The following BOC variants were observed in gnomAD, a reference collection of about 807,000 sequenced individuals.
BOC encodes brother of CDO.
BOC carries 76 observed loss-of-function variants against 112.0 expected under a neutral mutation model. The observed-to-expected ratio is 0.68, with a 90% CI of 0.56 to 0.82. The LOEUF (loss-of-function observed/expected upper bound fraction) is 0.82. Among genes scored for constraint, BOC ranks in the 40% least tolerant of loss-of-function variants. The pLI is 0.00. For missense variants in BOC, 1,309 were observed against 1,511.7 expected (o/e 0.87, Z 2.22); for synonymous variants, 580 against 599.8 (o/e 0.97, Z 0.48).
Position 113,279,230 on chromosome 3 carries a change from T to G in BOC, c.1817-19T>G. The G allele has an allele frequency of 6.2e-7, 1 of 1,608,320 alleles. No homozygotes were observed. The highest frequency in any genetic ancestry group is 8.5e-7 in the Non-Finnish European group (1 of 1,175,694). Reference sequence around the variant, plus strand: ...CATCTCACCCTGCTTCCTTCCTCACTGGATACGGTCTTTCCCAGCCCCAGA... The same window carrying G: ...CATCTCACCCTGCTTCCTTCCTCACGGGATACGGTCTTTCCCAGCCCCAGA... On this transcript the variant is annotated intron_variant, in intron 11 of 19. Coordinates refer to ENST00000682979, the MANE Select transcript of BOC (RefSeq NM_001378074.1).
At chr3:113,242,820 C>T (rs1201326607) in intron 2 of BOC, among the ~76,000 whole-genome samples, 1 of 151,976 alleles carries the variant, frequency 6.6e-6, no homozygotes, top group African/African-American at 2.4e-5. Flanking sequence ...CGTTCTTTTA[C>T]GTAAGTCTCC....
intron 3 of BOC, 113 bp downstream of exon 3, chr3:113,250,012 TC>T: frequency 1.2e-6 from 1 of 868,216 alleles, no homozygotes; most frequent in Non-Finnish European, 1.8e-6. Flanking sequence ...AACACTTTAT[TC>T]CCATTGGCCT....
intron 1 of BOC, chr3:113,212,707 TGAGA>T (rs766393376): frequency 2.0e-5 from 3 of 152,204 alleles, no homozygotes; most frequent in Admixed American, 6.6e-5. Context: ...TGTGTGTGTG[TGAGA>T]GAGAGAGTTC....
In BOC at chr3:113,278,274, G is replaced by T. The variant is rs1252165979; in HGVS notation, c.1705+17G>T. The T allele has an allele frequency of 6.2e-7, 1 of 1,613,302 alleles. No homozygotes were observed. Among genetic ancestry groups the T allele is most frequent in the Non-Finnish European group, 8.5e-7 (1 of 1,179,346 alleles). ...TCCGAACTGGTGAGAGTCAAACATTGCCCCTTGCTTAGGGTTTCCGTGGGT... is the reference window on the plus strand; with the variant it reads ...TCCGAACTGGTGAGAGTCAAACATTTCCCCTTGCTTAGGGTTTCCGTGGGT... On this transcript the variant is annotated intron_variant, in intron 10 of 19. Transcript: ENST00000682979. The surrounding 1 kb of genome is among the most constrained non-coding windows in gnomAD (Gnocchi z 4.2).
At chr3:113,229,592 C>T (rs927825126) in intron 2 of BOC, among the ~76,000 whole-genome samples, 2 of 152,104 alleles carry the variant, frequency 1.3e-5, no homozygotes, top group Non-Finnish European at 2.9e-5. Context: ...ATCTTTATTT[C>T]TGTGCAAAGA....
Position 113,225,092 on chromosome 3 carries a change from A to AACAAAACAAAAACAAAC in BOC, c.-82+8820_-82+8836dup, listed in dbSNP as rs1215074549. Among the ~76,000 whole-genome samples the AACAAAACAAAAACAAAC allele has an allele frequency of 3.3e-5, 5 of 151,092 alleles. No individual in the cohort carries two copies. In the South Asian group the frequency reaches 6.3e-4, roughly 19 times the overall value. On this transcript the variant is annotated intron_variant, in intron 2 of 19. Coordinates refer to ENST00000682979, the MANE Select transcript of BOC (RefSeq NM_001378074.1). Reference sequence around the variant, plus strand: ...ACTCCGTCTCAAAAACAAAAACAAAAACAAAACAAAAACAAACAAAAAACC... The same window carrying AACAAAACAAAAACAAAC: ...ACTCCGTCTCAAAAACAAAAACAAAAACAAAACAAAAACAAACACAAAACAAAAACAAACAAAAAACC...
chr3:113,211,955 G>C lies in BOC; in HGVS notation c.-231G>C. ...CGGCGCGGCGCTGTGTGGCTCCCTCGCGCCCACCACGCTGGCCCCCGGGCC... is the reference window on the plus strand; with the variant it reads ...CGGCGCGGCGCTGTGTGGCTCCCTCCCGCCCACCACGCTGGCCCCCGGGCC... On this transcript the variant is annotated 5_prime_UTR_variant, in exon 1 of 20. Coordinates refer to ENST00000682979, the MANE Select transcript of BOC (RefSeq NM_001378074.1). 6.6e-6 allele frequency: 1 copy of C among 152,558 alleles called. No individual in the cohort carries two copies. Among genetic ancestry groups the C allele is most frequent in the Non-Finnish European group, 1.5e-5 (1 of 68,198 alleles). The allele number at this position is 152,558 out of a possible 1,614,324, so 9.5% of individuals were successfully genotyped here. A position where few individuals can be genotyped will look rare whatever the true frequency, so the allele number is the denominator to read the frequency against.
In BOC at chr3:113,273,056, G is replaced by C; in HGVS notation, c.962-13G>C. On this transcript the variant is annotated splice_polypyrimidine_tract_variant and intron_variant, in intron 7 of 19. Transcript: ENST00000682979. ...GACACAGCCCTTCTCACCCTGCTCT[G>C]GTTTCCTGGCAGAACCCCCTGAGGT... 6.3e-7 allele frequency: 1 copy of C among 1,588,814 alleles called. No homozygotes were observed. Among genetic ancestry groups the C allele is most frequent in the Non-Finnish European group, 8.6e-7 (1 of 1,160,526 alleles).
chr3:113,220,883 T>C (rs1189297566), intron 2 of BOC, among the ~76,000 whole-genome samples: 2 of 152,184 alleles, frequency 1.3e-5, no homozygotes, highest in African/African-American at 4.8e-5. Flanking sequence ...AGAAGGCATC[T>C]GTGAAGTTTC....
chr3:113,250,966 C>T (rs2107407980), intron 4 of BOC, 133 bp downstream of exon 4: 1 of 1,178,074 alleles, frequency 8.5e-7, no homozygotes, highest in East Asian at 2.5e-5. Context: ...AATGTCAAAT[C>T]AGAACAGTAG....
rs1948254140 is a variant in BOC, at chr3:113,272,709, T to G, written c.961+6T>G. On this transcript the variant is annotated splice_donor_region_variant and intron_variant, in intron 7 of 19. Coordinates refer to ENST00000682979, the MANE Select transcript of BOC (RefSeq NM_001378074.1). The stretch of plus-strand genomic sequence containing the variant: ...CTACAATGTCCAGGTGTTTGGTGAG[T>G]GTCTGCTGTGGACTGTCTTCTGCTT... 2 of 1,612,980 alleles carry G rather than the reference T, an allele frequency of 1.2e-6. No homozygotes were observed. Among genetic ancestry groups the G allele is most frequent in the Non-Finnish European group, 1.7e-6 (2 of 1,179,492 alleles).
chr3:113,211,970 G>GC lies in BOC; in HGVS notation c.-211dup, dbSNP rs1317285287. 2.0e-5 allele frequency: 3 copies of GC among 152,606 alleles called. No homozygotes were observed. The highest frequency in any genetic ancestry group is 4.4e-5 in the Non-Finnish European group (3 of 68,360). The allele number at this position is 152,606 out of a possible 1,614,324, so 9.5% of individuals were successfully genotyped here. A position where few individuals can be genotyped will look rare whatever the true frequency, so the allele number is the denominator to read the frequency against. On this transcript the variant is annotated 5_prime_UTR_variant, in exon 1 of 20. Coordinates refer to ENST00000682979, the MANE Select transcript of BOC (RefSeq NM_001378074.1). ...TGGCTCCCTCGCGCCCACCACGCTG[G>GC]CCCCCGGGCCCCGGCTCGCCCTTCC...
At position 113,250,620 on chromosome 3, in the gene BOC, T is replaced by C; in HGVS notation, c.163T>C (p.Leu55=). The C allele has an allele frequency of 6.2e-7, 1 of 1,614,198 alleles. No homozygotes were observed. Residue 55 remains leucine (L), a synonymous_variant, in exon 4 of 20, where the codon TTG becomes CTG. Coordinates refer to ENST00000682979, the MANE Select transcript of BOC (RefSeq NM_001378074.1). ...TVQKPGGTVI[L]GCVVEPPRMN... ...CCAGAAGCCCGGAGGCACTGTGATC[T>C]TGGGCTGCGTGGTGGAACCTCCAAG...
At chr3:113,272,308 G>GT in intron 6 of BOC, 102 bp from the exon 7 acceptor site, 1 of 1,329,586 alleles carries the variant, frequency 7.5e-7, no homozygotes, top group South Asian at 1.3e-5. Context: ...CGGAATGGCT[G>GT]TTTGATCCCA....
intron 18 of BOC, among the ~76,000 whole-genome samples, 200 bp downstream of exon 18, chr3:113,285,058 G>A (rs905081430): frequency 3.3e-5 from 5 of 152,262 alleles, no homozygotes; most frequent in Non-Finnish European, 7.3e-5. Context: ...TTCTGCCTGA[G>A]GGCATGGCTT....
In BOC at chr3:113,273,105, T is replaced by C. The variant is rs201428549; in HGVS notation, c.998T>C (p.Val333Ala). The C allele has an allele frequency of 1.2e-6, 2 of 1,609,566 alleles. No homozygotes were observed. The highest frequency in any genetic ancestry group is 4.5e-5 in the East Asian group (2 of 44,670). ...PEVTMELSQLVIPWGQSAKLT... is the reference protein window; with the variant it reads ...PEVTMELSQLAIPWGQSAKLT... ...GTCACCATGGAGCTATCCCAGCTGG[T>C]CATCCCCTGGGGCCAGAGTGCCAAG... Residue 333 changes from valine (V) to alanine (A), a missense_variant, in exon 8 of 20, where the codon GTC (valine) becomes GCC (alanine). Physicochemically the swap from Val to Ala is moderately conservative, Grantham distance 64. Transcript: ENST00000682979.
intron 2 of BOC, among the ~76,000 whole-genome samples, chr3:113,246,079 A>G (rs1186186341): frequency 6.6e-6 from 1 of 152,192 alleles, no homozygotes; most frequent in Non-Finnish European, 1.5e-5. Flanking sequence ...ATTGGTCTTA[A>G]CCCCAGAGTG....
At chr3:113,236,228 A>ATG (rs765387902) in intron 2 of BOC, among the ~76,000 whole-genome samples, 935 of 77,878 alleles carry the variant, frequency 0.012, 22 homozygotes, top group African/African-American at 0.035. Flanking sequence ...ATATACGTAT[A>ATG]TGTGTGTGTG....
At chr3:113,233,392 A>G (rs1262567421) in intron 2 of BOC, among the ~76,000 whole-genome samples, 1 of 152,106 alleles carries the variant, frequency 6.6e-6, no homozygotes, top group African/African-American at 2.4e-5. Flanking sequence ...ATAGAGAATG[A>G]CTGCAAGTGA....
Sources: allele counts gnomAD v4.1 joint callset (sites outside exome capture counted in the v4.1 genomes callset), GRCh38; gene constraint gnomAD v4.1.1; non-coding constraint Gnocchi (gnomAD v3.1); transcripts MANE v1.5; gene names NCBI Gene and HGNC (gene_info 2026-07-23, HGNC 2026-07-21).